Variants in INHA observed in about 807,000 individuals in gnomAD.
The protein encoded by INHA is inhibin alpha chain.
In INHA, 8 loss-of-function variants were observed where a neutral mutation model predicts 21.3. The ratio of observed to expected loss-of-function variants is 0.38; its 90% CI spans 0.22 to 0.68. The LOEUF (loss-of-function observed/expected upper bound fraction) is 0.68, where lower values mean the gene tolerates loss of function less well. Among genes scored for constraint, INHA ranks in the 30% least tolerant of loss-of-function variants. The probability of loss-of-function intolerance (pLI) is 0.53; values close to 1 mark genes in which losing one functional copy is unlikely to be tolerated. For synonymous variants in INHA, 231 were observed against 207.5 expected (o/e 1.11, Z -0.97); for missense variants, 436 against 465.8 (o/e 0.94, Z 0.59).
At chr2:219,574,177 G>A (rs1475288434) in intron 1 of INHA, among the ~76,000 whole-genome samples, 1 of 151,426 alleles carries the variant, frequency 6.6e-6, no homozygotes, top group Non-Finnish European at 1.5e-5. Context: ...TACTCAGGAG[G>A]CTGAGGTGGG....
At chr2:219,573,897 G>C (rs1214825766) in intron 1 of INHA, among the ~76,000 whole-genome samples, 1 of 151,594 alleles carries the variant, frequency 6.6e-6, no homozygotes, top group South Asian at 2.1e-4. Flanking sequence ...GAGGCGGAGC[G>C]GAAGGCAGAG....
chr2:219,574,850 C>T lies in INHA; in HGVS notation c.425C>T (p.Thr142Ile), dbSNP rs1352970901. ...WFHTGLDRQG[T>I]AASNSSEPLL... is the part of the protein sequence containing the mutation. ...CACACCGGGCTGGACAGGCAGGGCA[C>T]AGCAGCCTCCAATAGCTCTGAGCCC... The change falls in exon 2 of 2, where the codon ACA becomes ATA. Residue 142 changes from threonine to isoleucine, a missense_variant. Coordinates refer to ENST00000243786, the MANE Select transcript of INHA (RefSeq NM_002191.4). The T allele has an allele frequency of 6.2e-7, 1 of 1,613,914 alleles. No homozygotes were observed. The highest frequency in any genetic ancestry group is 1.3e-5 in the African/African-American group (1 of 74,956).
At chr2:219,573,715 C>T (rs1259734945) in intron 1 of INHA, among the ~76,000 whole-genome samples, 1 of 152,018 alleles carries the variant, frequency 6.6e-6, no homozygotes, top group Non-Finnish European at 1.5e-5. Flanking sequence ...TGGCTCACGT[C>T]TGTACTCCCA....
intron 1 of INHA, 27 bp from the exon 2 acceptor site, chr2:219,574,667 C>CA: frequency 6.3e-7 from 1 of 1,581,992 alleles, no homozygotes; most frequent in Non-Finnish European, 8.6e-7. Context: ...CAGGGCTGCC[C>CA]TCTCCCTTTT....
chr2:219,575,008 GTGC>G lies in INHA; in HGVS notation c.593_595del (p.Leu198del). On this transcript the variant is annotated inframe_deletion, in exon 2 of 2. Coordinates refer to ENST00000243786, the MANE Select transcript of INHA (RefSeq NM_002191.4). ...CTCTCTGCTGACCCACCCCGTCCTG[GTGC>G]TGCTGCTGCGCTGTCCCCTCTGTAC... 1 of 1,613,270 alleles carries G rather than the reference GTGC, an allele frequency of 6.2e-7. No individual in the cohort carries two copies.
rs765562000 is a variant in INHA, at chr2:219,572,662, C to T, written c.268+20C>T. On this transcript the variant is annotated intron_variant, in intron 1 of 1. Coordinates refer to ENST00000243786, the MANE Select transcript of INHA (RefSeq NM_002191.4). ...CCACAGGTAACGAGGGTGGGGGAACCGGCAGGATGACTTTGAGAAAAAGCA... is the reference window on the plus strand; with the variant it reads ...CCACAGGTAACGAGGGTGGGGGAACTGGCAGGATGACTTTGAGAAAAAGCA... 3.2e-5 allele frequency: 50 copies of T among 1,551,052 alleles called. No individual in the cohort carries two copies. Among genetic ancestry groups the T allele is most frequent in the Middle Eastern group, 1.7e-4 (1 of 6,010 alleles).
chr2:219,575,652 A>G lies in INHA; in HGVS notation c.*126A>G, dbSNP rs1229228069. On this transcript the variant is annotated 3_prime_UTR_variant, in exon 2 of 2. Coordinates refer to ENST00000243786, the MANE Select transcript of INHA (RefSeq NM_002191.4). ...CCTCCCTCCTTTCACTTCTCTGCCTATGGGCTACCCTCCCCACCCCACTTC... is the reference window on the plus strand; with the variant it reads ...CCTCCCTCCTTTCACTTCTCTGCCTGTGGGCTACCCTCCCCACCCCACTTC... 1 of 779,394 alleles carries G rather than the reference A, an allele frequency of 1.3e-6. No homozygotes were observed. The highest frequency in any genetic ancestry group is 2.2e-6 in the Non-Finnish European group (1 of 453,608). The allele number at this position is 779,394 out of a possible 1,614,324, so 48.3% of individuals were successfully genotyped here.
chr2:219,575,644 C>A lies in INHA; in HGVS notation c.*118C>A. 1.2e-6 allele frequency: 1 copy of A among 830,664 alleles called. No individual in the cohort carries two copies. The highest frequency in any genetic ancestry group is 2.0e-6 in the Non-Finnish European group (1 of 494,288). 51.5% of individuals were successfully genotyped at this position (830,664 alleles called of 1,614,324 possible). A position where few individuals can be genotyped will look rare whatever the true frequency, so the allele number is the denominator to read the frequency against. Reference sequence around the variant, plus strand: ...CTCCCACTCCTCCCTCCTTTCACTTCTCTGCCTATGGGCTACCCTCCCCAC... The same window carrying A: ...CTCCCACTCCTCCCTCCTTTCACTTATCTGCCTATGGGCTACCCTCCCCAC... On this transcript the variant is annotated 3_prime_UTR_variant, in exon 2 of 2. Coordinates refer to ENST00000243786, the MANE Select transcript of INHA (RefSeq NM_002191.4).
Position 219,574,684 on chromosome 2 carries a change from T to C in INHA, c.269-10T>C. 6.2e-7 allele frequency: 1 copy of C among 1,604,584 alleles called. No individual in the cohort carries two copies. The highest frequency in any genetic ancestry group is 8.5e-7 in the Non-Finnish European group (1 of 1,175,636). ...GGGCTGCCCTCTCCCTTTTCTTCTGTCTCCTGCAGATGCCAGCTGTGAGGA... is the reference window on the plus strand; with the variant it reads ...GGGCTGCCCTCTCCCTTTTCTTCTGCCTCCTGCAGATGCCAGCTGTGAGGA... On this transcript the variant is annotated splice_polypyrimidine_tract_variant and intron_variant, in intron 1 of 1. Transcript: ENST00000243786.
At chr2:219,574,392 G>T (rs990711913) in intron 1 of INHA, among the ~76,000 whole-genome samples, 1 of 152,190 alleles carries the variant, frequency 6.6e-6, no homozygotes. Flanking sequence ...CTTAGTGCTG[G>T]TGAAGTGGAG....
At chr2:219,573,584 CTTCT>C (rs932590017) in intron 1 of INHA, among the ~76,000 whole-genome samples, 1 of 37,526 alleles carries the variant, frequency 2.7e-5, no homozygotes, top group Non-Finnish European at 5.1e-5. Context: ...TTCCCTCCTT[CTTCT>C]TTTTTTTTTT....
rs1434253448 is a variant in INHA, at chr2:219,575,537, T to A, written c.*11T>A. 1 of 1,601,714 alleles carries A rather than the reference T, an allele frequency of 6.2e-7. No homozygotes were observed. The highest frequency in any genetic ancestry group is 1.7e-5 in the Admixed American group (1 of 59,924). ...TGTGCTTGTATCTAAGGGTGGGGGG[T>A]CTTCCTTCTTAATCCCATGGCTGGT... is the stretch of plus-strand genomic sequence containing the variant. On this transcript the variant is annotated 3_prime_UTR_variant, in exon 2 of 2. Transcript: ENST00000243786.
intron 1 of INHA, 78 bp downstream of exon 1, chr2:219,572,720 C>T: frequency 6.7e-7 from 1 of 1,503,598 alleles, no homozygotes; most frequent in African/African-American, 1.4e-5. Context: ...CCAGGCGGAC[C>T]TGGGTTTGAA....
intron 1 of INHA, among the ~76,000 whole-genome samples, chr2:219,574,166 T>G (rs1697480561): frequency 6.6e-6 from 1 of 150,616 alleles, no homozygotes; most frequent in African/African-American, 2.4e-5. Context: ...GTGGTCTCAG[T>G]TACTCAGGAG....
Position 219,572,405 on chromosome 2 carries a change from C to T in INHA, c.31C>T (p.Leu11=), listed in dbSNP as rs1489024545. The T allele has an allele frequency of 6.2e-7, 1 of 1,614,050 alleles. No individual in the cohort carries two copies. The highest frequency in any genetic ancestry group is 8.5e-7 in the Non-Finnish European group (1 of 1,180,018). The change falls in exon 1 of 2, where the codon CTG becomes TTG. Residue 11 remains leucine, a synonymous_variant. Coordinates refer to ENST00000243786, the MANE Select transcript of INHA (RefSeq NM_002191.4). Reference sequence around the variant, plus strand: ...GCTGCACCTACTGCTCTTCTTGCTGCTGACCCCACAGGGTGGGCACAGCTG... The same window carrying T: ...GCTGCACCTACTGCTCTTCTTGCTGTTGACCCCACAGGGTGGGCACAGCTG... MVLHLLLFLL[L]TPQGGHSCQG...
In INHA at chr2:219,575,660, C is replaced by T. The variant is rs1697507279; in HGVS notation, c.*134C>T. 2 of 710,522 alleles carry T rather than the reference C, an allele frequency of 2.8e-6. No individual in the cohort carries two copies. The highest frequency in any genetic ancestry group is 2.1e-5 in the Admixed American group (1 of 47,978). 44.0% of individuals were successfully genotyped at this position (710,522 alleles called of 1,614,324 possible). ...CTTTCACTTCTCTGCCTATGGGCTACCCTCCCCACCCCACTTCTATCTCAA... is the reference window on the plus strand; with the variant it reads ...CTTTCACTTCTCTGCCTATGGGCTATCCTCCCCACCCCACTTCTATCTCAA... On this transcript the variant is annotated 3_prime_UTR_variant, in exon 2 of 2. Transcript: ENST00000243786.
At chr2:219,573,843 C>A (rs1697475082) in intron 1 of INHA, among the ~76,000 whole-genome samples, 1 of 152,048 alleles carries the variant, frequency 6.6e-6, no homozygotes, top group African/African-American at 2.4e-5. Context: ...CATGGTGGCA[C>A]CAGCTACTCG....
chr2:219,575,572 C>T lies in INHA; in HGVS notation c.*46C>T, dbSNP rs368844998. The T allele has an allele frequency of 6.9e-7, 1 of 1,459,260 alleles. No individual in the cohort carries two copies. Among genetic ancestry groups the T allele is most frequent in the Non-Finnish European group, 9.6e-7 (1 of 1,043,916 alleles). 90.4% of individuals were successfully genotyped at this position (1,459,260 alleles called of 1,614,324 possible). ...TAATCCCATGGCTGGTGGCCACGCC[C>T]CCACCATCATCAGCTGGGAGGAAAG... On this transcript the variant is annotated 3_prime_UTR_variant, in exon 2 of 2. Coordinates refer to ENST00000243786, the MANE Select transcript of INHA (RefSeq NM_002191.4).
At position 219,574,970 on chromosome 2, in the gene INHA, C is replaced by T; in HGVS notation, c.545C>T (p.Ala182Val). Residue 182 changes from alanine (A) to valine (V), a missense_variant, in exon 2 of 2, where the codon GCC (alanine) becomes GTC (valine). Ala to Val is a moderately conservative substitution (Grantham distance 64, BLOSUM62 0). Coordinates refer to ENST00000243786, the MANE Select transcript of INHA (RefSeq NM_002191.4). The part of the protein sequence containing the change: ...APPHWAVLHL[A>V]TSALSLLTHP... ...CCTCACTGGGCCGTGCTGCACCTGG[C>T]CACCTCTGCTCTCTCTCTGCTGACC... The T allele has an allele frequency of 6.2e-7, 1 of 1,613,836 alleles. No homozygotes were observed. The highest frequency in any genetic ancestry group is 8.5e-7 in the Non-Finnish European group (1 of 1,180,026).
Sources: allele counts gnomAD v4.1 joint callset (sites outside exome capture counted in the v4.1 genomes callset), GRCh38; gene constraint gnomAD v4.1.1; transcripts MANE v1.5; gene names NCBI Gene and HGNC (gene_info 2026-07-23, HGNC 2026-07-21).